SETD1A: variants seen among roughly 807,000 people sequenced by gnomAD.
The protein encoded by SETD1A is histone-lysine N-methyltransferase SETD1A.
Under a neutral mutation model 149.9 loss-of-function variants are expected in SETD1A, and 29 were observed. The ratio of observed to expected loss-of-function variants is 0.19; its 90% confidence interval spans 0.14 to 0.26. The LOEUF (loss-of-function observed/expected upper bound fraction) is 0.26, where lower values mean the gene tolerates loss of function less well. SETD1A is among the 10% of genes least tolerant of loss of function. The pLI is 1.00. For synonymous variants in SETD1A, 1,141 were observed against 968.5 expected (o/e 1.18, Z -3.31); for missense variants, 2,109 against 2,353.1 (o/e 0.90, Z 2.15).
intron 13 of SETD1A, among the ~76,000 whole-genome samples, chr16:30,976,928 C>T (rs1567360917): frequency 6.6e-6 from 1 of 151,784 alleles, no homozygotes; most frequent in Admixed American, 6.6e-5. Context: ...GCAAGGGGTG[C>T]TTAGTGAAGG....
chr16:30,977,521 T>G (rs1443492373), intron 13 of SETD1A, among the ~76,000 whole-genome samples: 3 of 152,230 alleles, frequency 2.0e-5, no homozygotes, highest in Non-Finnish European at 4.4e-5. Context: ...GAAGTGTGTG[T>G]GCAGCAGCTG....
chr16:30,981,261 G>C (rs2056374032), intron 17 of SETD1A, 81 bp downstream of exon 17: 1 of 1,567,838 alleles, frequency 6.4e-7, no homozygotes, highest in Non-Finnish European at 8.7e-7. Flanking sequence ...TGTTTGTCCG[G>C]TTAAAGCCTT....
At position 30,965,187 on chromosome 16, in the gene SETD1A, T is replaced by C. The variant is rs1351330529; in HGVS notation, c.1445T>C (p.Phe482Ser). 2 of 1,614,038 alleles carry C rather than the reference T, an allele frequency of 1.2e-6. No individual in the cohort carries two copies. The change falls in exon 7 of 19, where the codon TTC becomes TCC. Residue 482 changes from phenylalanine to serine, a missense_variant. Transcript: ENST00000262519. ...GAGACCACCAATGAGAGTGTGCCCT[T>C]CGCCCAGCACAGCAGCCTGGATTCC... ...APETTNESVP[F>S]AQHSSLDSRI...
chr16:30,969,238 C>T (rs978867350), intron 10 of SETD1A, 67 bp from the exon 11 acceptor site: 32 of 1,494,392 alleles, frequency 2.1e-5, no homozygotes, highest in Middle Eastern at 2.3e-4. Flanking sequence ...TATGTAAAGC[C>T]CCTTGCACAG....
At chr16:30,962,967 C>T (rs931502861) in intron 4 of SETD1A, among the ~76,000 whole-genome samples, 1 of 152,188 alleles carries the variant, frequency 6.6e-6, no homozygotes, top group African/African-American at 2.4e-5. Flanking sequence ...TCTTTCCTCA[C>T]AAGGTGTTTC....
intron 13 of SETD1A, among the ~76,000 whole-genome samples, chr16:30,971,943 T>G (rs559857121): frequency 6.6e-6 from 1 of 152,322 alleles, no homozygotes; most frequent in East Asian, 1.9e-4. Context: ...AGCTGCATAC[T>G]AAAGTAAAAT....
At position 30,983,075 on chromosome 16, in the gene SETD1A, G is replaced by A. The variant is rs1031789986; in HGVS notation, c.4813-560G>A. On this transcript the variant is annotated intron_variant, in intron 17 of 18. Coordinates refer to ENST00000262519, the MANE Select transcript of SETD1A (RefSeq NM_014712.3). The surrounding 1 kb of genome is among the most constrained non-coding windows in gnomAD (Gnocchi z 6.8). ...GAGGAGTCCCCACCACATAGCTGGC[G>A]GCTGAGGCTCTGGAAGGGAGTGAGG... 5.9e-5 allele frequency among the ~76,000 whole-genome samples: 9 copies of A among 152,280 alleles called. No homozygotes were observed. Among genetic ancestry groups the A allele is most frequent in the South Asian group, 2.1e-4 (1 of 4,822 alleles).
At position 30,979,577 on chromosome 16, in the gene SETD1A, C is replaced by T. The variant is rs190670011; in HGVS notation, c.3791C>T (p.Ala1264Val). 4.3e-6 allele frequency: 7 copies of T among 1,610,382 alleles called. No homozygotes were observed. The highest frequency in any genetic ancestry group is 5.9e-6 in the Non-Finnish European group (7 of 1,179,522). Residue 1264 changes from alanine to valine, a missense_variant, in exon 14 of 19, where the codon GCC (alanine) becomes GTC (valine). Transcript: ENST00000262519. Reference protein sequence around the residue: ...AVLADLALTPARRGLPALPAV... With the variant: ...AVLADLALTPVRRGLPALPAV... Reference sequence around the variant, plus strand: ...CTGGCCGACCTGGCCCTGACCCCTGCCCGGCGCGGGCTGCCTGCCCTGCCT... The same window carrying T: ...CTGGCCGACCTGGCCCTGACCCCTGTCCGGCGCGGGCTGCCTGCCCTGCCT...
chr16:30,974,992 C>G (rs771637868), intron 13 of SETD1A, among the ~76,000 whole-genome samples: 3 of 152,014 alleles, frequency 2.0e-5, no homozygotes, highest in Non-Finnish European at 4.4e-5. Context: ...ACTAAAAATA[C>G]AAAAACTAGC....
At position 30,984,566 on chromosome 16, in the gene SETD1A, C is replaced by T. The variant is rs184019531; in HGVS notation, c.*543C>T. 196 of 159,072 alleles carry T rather than the reference C, an allele frequency of 1.2e-3. No individual in the cohort carries two copies. Among genetic ancestry groups the T allele is most frequent in the African/African-American group, 4.4e-3 (183 of 41,622 alleles). The allele number at this position is 159,072 out of a possible 1,614,324, so 9.9% of individuals were successfully genotyped here. A position where few individuals can be genotyped will look rare whatever the true frequency, so the allele number is the denominator to read the frequency against. On this transcript the variant is annotated 3_prime_UTR_variant, in exon 19 of 19. Coordinates refer to ENST00000262519, the MANE Select transcript of SETD1A (RefSeq NM_014712.3). The stretch of plus-strand genomic sequence containing the variant: ...CCCCGGCTCAGCCAGGCCAGGATGG[C>T]GGGGTGGGTCCCTTTTGCTGGGCTG...
intron 13 of SETD1A, among the ~76,000 whole-genome samples, chr16:30,973,814 C>T (rs561559694): frequency 4.6e-5 from 7 of 152,214 alleles, no homozygotes; most frequent in East Asian, 3.9e-4. Context: ...GGAGTTGAGG[C>T]GCTCATTACA....
rs72209091 is a variant in SETD1A, at chr16:30,978,272, C to CAA, written c.3359-855_3359-854dup. Among the ~76,000 whole-genome samples the CAA allele has an allele frequency of 2.6e-3, 249 of 96,518 alleles. 2 individuals are homozygous for CAA. Among genetic ancestry groups the CAA allele is most frequent in the East Asian group, 9.4e-3 (22 of 2,350 alleles). 63.3% of individuals were successfully genotyped at this position (96,518 alleles called of 152,430 possible). A position where few individuals can be genotyped will look rare whatever the true frequency, so the allele number is the denominator to read the frequency against. On this transcript the variant is annotated intron_variant, in intron 13 of 18. Coordinates refer to ENST00000262519, the MANE Select transcript of SETD1A (RefSeq NM_014712.3). ...CTGGCGACAGGGCGAGACCCCATCT[C>CAA]AAAAAAAAAAAAAAAAAAAGATAGG...
At position 30,966,100 on chromosome 16, in the gene SETD1A, G is replaced by A; in HGVS notation, c.2219G>A (p.Arg740Lys). The A allele has an allele frequency of 6.3e-7, 1 of 1,595,948 alleles. No individual in the cohort carries two copies. The highest frequency in any genetic ancestry group is 8.6e-7 in the Non-Finnish European group (1 of 1,169,520). Reference sequence around the variant, plus strand: ...CTATATGCACAGGGGCAGGAGGGCAGAGGGGCATACTCACGGGAGGCCTAC... The same window carrying A: ...CTATATGCACAGGGGCAGGAGGGCAAAGGGGCATACTCACGGGAGGCCTAC... ...YALYAQGQEG[R>K]GAYSREAYHL... is the part of the protein sequence containing the mutation. The change falls in exon 8 of 19, where the codon AGA becomes AAA. Residue 740 changes from arginine (R) to lysine (K), a missense_variant. Transcript: ENST00000262519.
rs751208519 is a variant in SETD1A at position 30,961,456 on chromosome 16, C to T, written c.436C>T (p.Arg146Trp). The T allele has an allele frequency of 1.9e-6, 3 of 1,614,106 alleles. No homozygotes were observed. Among genetic ancestry groups the T allele is most frequent in the Non-Finnish European group, 2.5e-6 (3 of 1,180,020 alleles). Residue 146 changes from arginine to tryptophan, a missense_variant, in exon 4 of 19, where the codon CGG (arginine) becomes TGG (tryptophan). By Grantham distance (101) the Arg-to-Trp change is moderately radical (BLOSUM62 -3). Coordinates refer to ENST00000262519, the MANE Select transcript of SETD1A (RefSeq NM_014712.3). This position sits in a 1 kb window ranked among gnomAD's most constrained non-coding sequence, Gnocchi z 4.0. ...GGCCCGTGTGCTCTTCACCAGCACT[C>T]GGGGCGCCAAGGAAACGGTCAAAAA... ...GLARVLFTST[R>W]GAKETVKNLH... is the part of the protein sequence containing the mutation.
At chr16:30,966,740 C>T (rs2056152621) in intron 8 of SETD1A, 144 bp from the exon 9 acceptor site, 6 of 938,548 alleles carry the variant, frequency 6.4e-6, no homozygotes, top group East Asian at 5.5e-5. Context: ...GAGAAAATGC[C>T]GTGCGGGGGC....
In SETD1A at chr16:30,965,265, C is replaced by T. The variant is rs1336275870; in HGVS notation, c.1523C>T (p.Ser508Phe). The T allele has an allele frequency of 6.2e-7, 1 of 1,614,258 alleles. No individual in the cohort carries two copies. The change falls in exon 7 of 19, where the codon TCT (serine) becomes TTT (phenylalanine). Residue 508 changes from serine to phenylalanine, a missense_variant. By Grantham distance (155) the Ser-to-Phe change is radical (BLOSUM62 -2). This residue lies in a region of SETD1A where 23 missense variants were observed against 48.7 expected (regional missense o/e 0.47). Coordinates refer to ENST00000262519, the MANE Select transcript of SETD1A (RefSeq NM_014712.3). ...CGCTCCAAGTTTTCCTTCTTGGCCT[C>T]TGACACAGAGGAGGAGGAAGAGAAC... The part of the protein sequence containing the change: ...EQRSKFSFLA[S>F]DTEEEEENSS...
intron 13 of SETD1A, among the ~76,000 whole-genome samples, chr16:30,973,799 A>G (rs2056253670): frequency 6.6e-6 from 1 of 152,076 alleles, no homozygotes; most frequent in South Asian, 2.1e-4. Flanking sequence ...AGACCCCATG[A>G]GAGGGGAGTT....
chr16:30,958,480 A>C, intron 1 of SETD1A: 2 of 492,944 alleles, frequency 4.1e-6, no homozygotes, highest in Non-Finnish European at 3.7e-6. Flanking sequence ...CGGGAAGGTA[A>C]GGGGGCTCGA....
Position 30,964,594 on chromosome 16 carries a change from C to T in SETD1A, c.870-18C>T. 1.5e-5 allele frequency: 24 copies of T among 1,605,678 alleles called. No individual in the cohort carries two copies. The highest frequency in any genetic ancestry group is 2.0e-5 in the Non-Finnish European group (24 of 1,175,710). On this transcript the variant is annotated intron_variant, in intron 6 of 18. Transcript: ENST00000262519. ...CATAGAGAGCTGAGTCCAGCTAACT[C>T]CCCTGCTTCTTCTCCAGCACCACTT... is the stretch of plus-strand genomic sequence containing the variant.
Sources: gnomAD v4.1 joint callset for allele counts (sites outside exome capture counted in the v4.1 genomes callset) on GRCh38, gnomAD v4.1.1 for gene constraint, gnomAD v4.1.1 regional missense constraint, Gnocchi (gnomAD v3.1) non-coding constraint, MANE v1.5 for transcripts, NCBI Gene and HGNC (gene_info 2026-07-23, HGNC 2026-07-21) for gene names.